Variants in ADAD2 observed in about 807,000 individuals in gnomAD.
ADAD2 encodes adenosine deaminase domain-containing protein 2.
In ADAD2, 60 loss-of-function variants were observed where a neutral mutation model predicts 54.5. The ratio of observed to expected loss-of-function variants is 1.10; its 90% CI spans 0.89 to 1.36. ADAD2 has a LOEUF of 1.36. Among genes scored for constraint, ADAD2 ranks in the 40% most tolerant of loss-of-function variants. The probability of loss-of-function intolerance (pLI) is 0.00; values close to 1 mark genes in which losing one functional copy is unlikely to be tolerated. For synonymous variants in ADAD2, 543 were observed against 366.2 expected, an observed-to-expected ratio of 1.48 and a Z score of -5.51; for missense variants, 1,103 against 801.3, an observed-to-expected ratio of 1.38 and a Z score of -4.54.
At chr16:84,196,588 C>A (rs954173368) in intron 8 of ADAD2, 59 bp from the exon 9 acceptor site, 4 of 1,592,642 alleles carry the variant, frequency 2.5e-6, no homozygotes, top group Non-Finnish European at 1.7e-6. Flanking sequence ...AGGTGTGTAG[C>A]AGGCCTGCTG....
At chr16:84,194,376 G>A (rs1289836587) in intron 1 of ADAD2, 66 bp from the exon 2 acceptor site, 3 of 1,568,232 alleles carry the variant, frequency 1.9e-6, no homozygotes, top group Non-Finnish European at 2.6e-6. Flanking sequence ...TCAGGAGGAG[G>A]CAGAGGTGGT....
Position 84,196,643 on chromosome 16 carries a change from C to G in ADAD2, c.1527-4C>G, listed in dbSNP as rs1250240654. ...GATCTCAGTGGTATCCTCTCTTCAT[C>G]CAGTGCCGCCCTGGGGCCTCCCTCC... On this transcript the variant is annotated splice_region_variant and splice_polypyrimidine_tract_variant and intron_variant, in intron 8 of 9. Coordinates refer to ENST00000315906, the MANE Select transcript of ADAD2 (RefSeq NM_001145400.2). The G allele has an allele frequency of 6.2e-7, 1 of 1,612,714 alleles. No individual in the cohort carries two copies. Among genetic ancestry groups the G allele is most frequent in the Non-Finnish European group, 8.5e-7 (1 of 1,179,694 alleles).
Position 84,195,196 on chromosome 16 carries a change from T to C in ADAD2, c.733+2T>C. The C allele has an allele frequency of 6.2e-7, 1 of 1,612,156 alleles. No individual in the cohort carries two copies. The highest frequency in any genetic ancestry group is 8.5e-7 in the Non-Finnish European group (1 of 1,179,442). On this transcript the variant is annotated splice_donor_variant, in intron 4 of 9. Coordinates refer to ENST00000315906, the MANE Select transcript of ADAD2 (RefSeq NM_001145400.2). LOFTEE classifies it high-confidence loss of function. The stretch of plus-strand genomic sequence containing the variant: ...TGGCTGGAGTCATCCTGGAGAGGGG[T>C]AGGGATCGCCCCAGCCCTGGCCCTG...
In ADAD2 at chr16:84,196,681, GCCT is replaced by G. The variant is rs1386013407; in HGVS notation, c.1565_1567del (p.Ser522del). 4 of 1,613,434 alleles carry G rather than the reference GCCT, an allele frequency of 2.5e-6. No individual in the cohort carries two copies. The highest frequency in any genetic ancestry group is 2.2e-5 in the East Asian group (1 of 44,864). On this transcript the variant is annotated inframe_deletion, in exon 9 of 10. Coordinates refer to ENST00000315906, the MANE Select transcript of ADAD2 (RefSeq NM_001145400.2). ...GGGGCCTCCCTCCCGTCTCTGCAAG[GCCT>G]CCTTTCTCCGGGCCTTTCACCAGGC...
intron 2 of ADAD2, 148 bp downstream of exon 2, chr16:84,194,730 A>C (rs1597598161): frequency 7.1e-7 from 1 of 1,410,512 alleles, no homozygotes; most frequent in Non-Finnish European, 9.7e-7. Context: ...CGTCACCTGC[A>C]GGGAGCTGGG....
Position 84,197,078 on chromosome 16 carries a change from G to A in ADAD2, c.*104G>A, listed in dbSNP as rs2303245. On this transcript the variant is annotated 3_prime_UTR_variant, in exon 10 of 10. Transcript: ENST00000315906. ...GGGGAGAACATGGGTTGTGCGGGGT[G>A]AAACTGGGGCTGGAGGGAAGGAGGA... The A allele has an allele frequency of 0.086, 103,287 of 1,199,188 alleles. 4,842 individuals carry two copies. The highest frequency in any genetic ancestry group is 0.14 in the African/African-American group (8,973 of 65,366). The allele number at this position is 1,199,188 out of a possible 1,614,324, so 74.3% of individuals were successfully genotyped here. A position where few individuals can be genotyped will look rare whatever the true frequency, so the allele number is the denominator to read the frequency against.
In ADAD2 at chr16:84,195,635, G is replaced by T. The variant is rs769869574; in HGVS notation, c.990G>T (p.Lys330Asn). The T allele has an allele frequency of 9.4e-6, 15 of 1,603,116 alleles. No homozygotes were observed. Among genetic ancestry groups the T allele is most frequent in the Admixed American group, 8.6e-5 (5 of 58,196 alleles). Residue 330 changes from lysine to asparagine, a missense_variant, in exon 6 of 10, where the codon AAG becomes AAT. By Grantham distance (94) the Lys-to-Asn change is moderately conservative. Coordinates refer to ENST00000315906, the MANE Select transcript of ADAD2 (RefSeq NM_001145400.2). ...GGCCCGGACCCCCATTCACCCTCAAGCCCCGCGTCTTCCTGCACCTCTACA... is the reference window on the plus strand; with the variant it reads ...GGCCCGGACCCCCATTCACCCTCAATCCCCGCGTCTTCCTGCACCTCTACA... The part of the protein sequence containing the change: ...QPGPGPPFTL[K>N]PRVFLHLYIS...
In ADAD2 at chr16:84,196,922, A is replaced by G; in HGVS notation, c.1700A>G (p.Gln567Arg). Residue 567 changes from glutamine (Q) to arginine (R), a missense_variant, in exon 10 of 10, where the codon CAG (glutamine) becomes CGG (arginine). Gln to Arg is a conservative substitution (Grantham distance 43, BLOSUM62 1). Coordinates refer to ENST00000315906, the MANE Select transcript of ADAD2 (RefSeq NM_001145400.2). ...CAGCTGTCTCTCCTCCTGGACCAGC[A>G]GGGCCTGGGGGCTTGGCCCTCGAAG... ...RRQLSLLLDQQGLGAWPSKPL... is the reference protein window; with the variant it reads ...RRQLSLLLDQRGLGAWPSKPL... The G allele has an allele frequency of 1.2e-6, 2 of 1,605,030 alleles. No individual in the cohort carries two copies. The highest frequency in any genetic ancestry group is 2.2e-5 in the East Asian group (1 of 44,636).
chr16:84,195,474 T>A lies in ADAD2; in HGVS notation c.884+28T>A, dbSNP rs114717345. 334 of 1,606,318 alleles carry A rather than the reference T, an allele frequency of 2.1e-4. 2 individuals carry two copies. The highest frequency in any genetic ancestry group is 1.8e-3 in the African/African-American group (135 of 74,880). ...GAGGGGCAGTGGGGTGGGCGCCTGA[T>A]AGCAGCCTTCGCCAGGACAAGGTCT... is the stretch of plus-strand genomic sequence containing the variant. On this transcript the variant is annotated intron_variant, in intron 5 of 9. Transcript: ENST00000315906.
intron 1 of ADAD2, among the ~76,000 whole-genome samples, chr16:84,192,058 T>TA (rs1338251697): frequency 1.3e-5 from 2 of 152,242 alleles, no homozygotes; most frequent in Admixed American, 1.3e-4. Context: ...GTAAGGGTAA[T>TA]ACCGTGTACA....
chr16:84,191,540 C>T lies in ADAD2; in HGVS notation c.310C>T (p.Leu104Phe), dbSNP rs2089654160. The T allele has an allele frequency of 2.6e-6, 4 of 1,547,680 alleles. No homozygotes were observed. Among genetic ancestry groups the T allele is most frequent in the Non-Finnish European group, 3.5e-6 (4 of 1,146,740 alleles). Residue 104 changes from leucine to phenylalanine, a missense_variant, in exon 1 of 10, where the codon CTC (leucine) becomes TTC (phenylalanine). Leu to Phe is a conservative substitution (Grantham distance 22). Coordinates refer to ENST00000315906, the MANE Select transcript of ADAD2 (RefSeq NM_001145400.2). The stretch of plus-strand genomic sequence containing the variant: ...GAGGGTCCCTGTGCCCCCAGCAGGG[C>T]TCAGCCTGCCGCTCAAAGACCCACC... ...APRVPVPPAG[L>F]SLPLKDPPAS...
intron 1 of ADAD2, chr16:84,193,504 A>G (rs35600808): frequency 0.065 from 10,035 of 154,434 alleles, 465 homozygotes; most frequent in Non-Finnish European, 0.1. Context: ...CTCACCAGGA[A>G]GTGTGCGATC....
intron 4 of ADAD2, 29 bp from the exon 5 acceptor site, chr16:84,195,267 C>T (rs11865115): frequency 0.17 from 272,129 of 1,611,546 alleles, 24,381 homozygotes; most frequent in Non-Finnish European, 0.19. Flanking sequence ...TTGCCTTAGG[C>T]TGGGCCGTCT....
In ADAD2 at chr16:84,195,640, G is replaced by A. The variant is rs371012828; in HGVS notation, c.995G>A (p.Arg332His). 35 of 1,601,458 alleles carry A rather than the reference G, an allele frequency of 2.2e-5. No individual in the cohort carries two copies. The highest frequency in any genetic ancestry group is 3.3e-4 in the Middle Eastern group (2 of 6,010). Residue 332 changes from arginine to histidine, a missense_variant, in exon 6 of 10, where the codon CGC (arginine) becomes CAC (histidine). Transcript: ENST00000315906. ...GGACCCCCATTCACCCTCAAGCCCC[G>A]CGTCTTCCTGCACCTCTACATCAGC... ...GPGPPFTLKP[R>H]VFLHLYISNT... is the part of the protein sequence containing the mutation.
intron 8 of ADAD2, 127 bp downstream of exon 8, chr16:84,196,497 C>T: frequency 2.6e-6 from 4 of 1,512,788 alleles, no homozygotes; most frequent in Non-Finnish European, 3.6e-6. Context: ...TCAACCCCTT[C>T]CTAGCTCCGT....
At position 84,195,563 on chromosome 16, in the gene ADAD2, G is replaced by C. The variant is rs955307081; in HGVS notation, c.918G>C (p.Gln306His). 31 of 1,599,238 alleles carry C rather than the reference G, an allele frequency of 1.9e-5. No homozygotes were observed. Among genetic ancestry groups the C allele is most frequent in the Non-Finnish European group, 2.6e-5 (31 of 1,173,076 alleles). ...FLFRQLLLAT[Q>H]GGPKGKEQSV... Reference sequence around the variant, plus strand: ...TCCGGCAGCTCCTGCTGGCCACACAGGGGGGCCCCAAGGGCAAGGAGCAGT... The same window carrying C: ...TCCGGCAGCTCCTGCTGGCCACACACGGGGGCCCCAAGGGCAAGGAGCAGT... Residue 306 changes from glutamine (Q) to histidine (H), a missense_variant, in exon 6 of 10, where the codon CAG becomes CAC. Gln to His is a conservative substitution (Grantham distance 24). Coordinates refer to ENST00000315906, the MANE Select transcript of ADAD2 (RefSeq NM_001145400.2).
chr16:84,194,984 G>C lies in ADAD2; in HGVS notation c.607+4G>C, dbSNP rs1417513731. Reference sequence around the variant, plus strand: ...CCACTGGCCCCCCTGAGCGTAGGTAGGTGAGCATTCCCGGACCCAGGCTTG... The same window carrying C: ...CCACTGGCCCCCCTGAGCGTAGGTACGTGAGCATTCCCGGACCCAGGCTTG... On this transcript the variant is annotated splice_donor_region_variant and intron_variant, in intron 3 of 9. Transcript: ENST00000315906. 1.9e-6 allele frequency: 3 copies of C among 1,593,522 alleles called. No homozygotes were observed. The highest frequency in any genetic ancestry group is 2.6e-6 in the Non-Finnish European group (3 of 1,174,322).
chr16:84,193,881 G>A, intron 1 of ADAD2: 1 of 1,082,546 alleles, frequency 9.2e-7, no homozygotes, highest in Non-Finnish European at 1.3e-6. Flanking sequence ...CAGTCCTTGG[G>A]AGAAACAATT....
In ADAD2 at chr16:84,196,235, T is replaced by C. The variant is rs150807545; in HGVS notation, c.1391T>C (p.Leu464Pro). 1.9e-5 allele frequency: 30 copies of C among 1,611,868 alleles called. No homozygotes were observed. In the African/African-American group the frequency reaches 4.0e-4, roughly 22 times the overall value. Residue 464 changes from leucine to proline, a missense_variant, in exon 8 of 10, where the codon CTG becomes CCG. Leu to Pro is a moderately conservative substitution (Grantham distance 98). Transcript: ENST00000315906. ...CCACCTCCCTACGTCCGGACCGCCC[T>C]GCACCTGTTTGCAGGGCCCCCGGTG... ...CLPPPYVRTA[L>P]HLFAGPPVAP...
Sources: gnomAD v4.1 joint callset for allele counts (sites outside exome capture counted in the v4.1 genomes callset) on GRCh38, gnomAD v4.1.1 for gene constraint, MANE v1.5 for transcripts, NCBI Gene and HGNC (gene_info 2026-07-23, HGNC 2026-07-21) for gene names.